GNAS: variants seen among roughly 807,000 people sequenced by gnomAD.
The protein encoded by GNAS is GNAS complex locus.
A neutral mutation model predicts 54.5 loss-of-function variants in GNAS; 8 were observed. The ratio of observed to expected loss-of-function variants is 0.15; its 90% CI spans 0.09 to 0.26. The LOEUF is 0.26. Among genes scored for constraint, GNAS ranks in the 10% least tolerant of loss-of-function variants. GNAS has a pLI of 1.00. For synonymous variants in GNAS, 204 were observed against 191.4 expected, an observed-to-expected ratio of 1.07 and a Z score of -0.54; for missense variants, 170 against 529.8, an observed-to-expected ratio of 0.32 and a Z score of 6.67.
At chr20:58,883,361 C>A (rs1380209857) in intron 1 of GNAS, among the ~76,000 whole-genome samples, 1 of 152,116 alleles carries the variant, frequency 6.6e-6, no homozygotes, top group Non-Finnish European at 1.5e-5. Flanking sequence ...GAGACTAAGG[C>A]AACCGAAAAA....
intron 1 of GNAS, among the ~76,000 whole-genome samples, chr20:58,846,594 G>C (rs896367731): frequency 2.0e-5 from 3 of 152,202 alleles, no homozygotes; most frequent in Non-Finnish European, 2.9e-5. Flanking sequence ...AGCAAGGTTG[G>C]TCTTCAAGGT....
chr20:58,889,210 T>C, upstream of GNAS: 1 of 1,193,352 alleles, frequency 8.4e-7, no homozygotes, highest in Non-Finnish European at 1.1e-6. Context: ...GCGGGCTGCG[T>C]CAGGTGGCTG....
intron 1 of GNAS, among the ~76,000 whole-genome samples, chr20:58,882,132 G>C (rs1600876541): frequency 6.6e-6 from 1 of 152,150 alleles, no homozygotes; most frequent in Non-Finnish European, 1.5e-5. Context: ...GCAGTGGCGC[G>C]ATCTCGGCTC....
At chr20:58,876,997 T>C (rs1321854190) in intron 1 of GNAS, 1 of 152,096 alleles carries the variant, frequency 6.6e-6, no homozygotes, top group Non-Finnish European at 1.5e-5. Flanking sequence ...AAAATTTCCA[T>C]CACCAAAGGG....
At chr20:58,850,124 A>G (rs2086099171) in intron 1 of GNAS, among the ~76,000 whole-genome samples, 1 of 152,038 alleles carries the variant, frequency 6.6e-6, no homozygotes, top group South Asian at 2.1e-4. Context: ...ACCGTCTCCC[A>G]TCCCCCACTA....
chr20:58,889,232 G>A, upstream of GNAS: 1 of 1,188,914 alleles, frequency 8.4e-7, no homozygotes, highest in South Asian at 1.4e-5. Context: ...CCGGCGCGGC[G>A]CTCCCCTGCT....
At chr20:58,848,086 C>G (rs2086004349) in intron 1 of GNAS, among the ~76,000 whole-genome samples, 1 of 152,232 alleles carries the variant, frequency 6.6e-6, no homozygotes, top group African/African-American at 2.4e-5. Context: ...TGTTTGCCAC[C>G]TGTGGCACCT....
chr20:58,910,556 T>C lies in GNAS; in HGVS notation c.1039-127T>C, dbSNP rs234628. The C allele has an allele frequency of 0.55, 692,802 of 1,266,888 alleles. 197,410 individuals are homozygous for C. The highest frequency in any genetic ancestry group is 0.91 in the African/African-American group (62,055 of 68,208). 78.5% of individuals were successfully genotyped at this position (1,266,888 alleles called of 1,614,324 possible). A position where few individuals can be genotyped will look rare whatever the true frequency, so the allele number is the denominator to read the frequency against. ...TGGATTTGAGCTCTTTGCGCCCCTC[T>C]TTTTGCTTTTGTTTTCATATGACAT... On this transcript the variant is annotated intron_variant, in intron 12 of 12. Coordinates refer to ENST00000371085, the MANE Select transcript of GNAS (RefSeq NM_000516.7). This position sits in a 1 kb window ranked among gnomAD's most constrained non-coding sequence, Gnocchi z 5.8.
At chr20:58,865,447 A>G (rs929658229) in intron 1 of GNAS, among the ~76,000 whole-genome samples, 9 of 147,840 alleles carry the variant, frequency 6.1e-5, no homozygotes, top group East Asian at 3.9e-4. Flanking sequence ...CATATATTTT[A>G]TATTATATAT....
At chr20:58,852,344 A>T (rs1435883420) in intron 1 of GNAS, among the ~76,000 whole-genome samples, 2 of 152,144 alleles carry the variant, frequency 1.3e-5, no homozygotes, top group Non-Finnish European at 2.9e-5. Flanking sequence ...CAAGGCATTT[A>T]AAAAACAAAT....
chr20:58,903,436 ATAC>A, intron 3 of GNAS, 92 bp from the exon 4 acceptor site: 1 of 1,031,848 alleles, frequency 9.7e-7, no homozygotes, highest in South Asian at 1.3e-5. Context: ...GAAGAACAGA[ATAC>A]TATGCTTTTT....
chr20:58,862,110 G>A (rs2086812527), intron 1 of GNAS, among the ~76,000 whole-genome samples: 2 of 152,036 alleles, frequency 1.3e-5, no homozygotes, highest in Admixed American at 6.6e-5. Flanking sequence ...CCAGTGCTTG[G>A]CACATATAAG....
At chr20:58,885,270 A>AAG (rs1248737849) in intron 1 of GNAS, among the ~76,000 whole-genome samples, 2 of 152,140 alleles carry the variant, frequency 1.3e-5, no homozygotes, top group African/African-American at 4.8e-5. Flanking sequence ...AGAGTCAGGA[A>AAG]AGATCAAGAA....
At chr20:58,842,361 T>G in intron 1 of GNAS, 1 of 398,152 alleles carries the variant, frequency 2.5e-6, no homozygotes, top group Non-Finnish European at 4.4e-6. Context: ...AGTAAAGCGT[T>G]TTGAGGGCTT....
intron 1 of GNAS, among the ~76,000 whole-genome samples, chr20:58,872,850 A>G (rs2087557930): frequency 1.3e-5 from 2 of 152,170 alleles, no homozygotes; most frequent in African/African-American, 2.4e-5. Flanking sequence ...CTGCCTTTCT[A>G]TGTCCTGGGC....
intron 1 of GNAS, among the ~76,000 whole-genome samples, chr20:58,880,419 G>C (rs2145785172): frequency 6.6e-6 from 1 of 152,276 alleles, no homozygotes; most frequent in Non-Finnish European, 1.5e-5. Context: ...GTTTTCAGCA[G>C]TTTACCACAT....
chr20:58,892,565 A>C (rs1358650832), intron 1 of GNAS: 1 of 6,312 alleles, frequency 1.6e-4, no homozygotes, highest in Non-Finnish European at 3.4e-4. Context: ...CGGAGTCGGG[A>C]GGGGGGCGGC....
intron 1 of GNAS, among the ~76,000 whole-genome samples, chr20:58,894,890 AGAT>A (rs2089895410): frequency 6.6e-6 from 1 of 152,260 alleles, no homozygotes; most frequent in Non-Finnish European, 1.5e-5. Flanking sequence ...TTTTTCCAGA[AGAT>A]GACAGATAAT....
chr20:58,893,614 GTCAAA>G (rs1188124529), intron 1 of GNAS, among the ~76,000 whole-genome samples: 1 of 152,200 alleles, frequency 6.6e-6, no homozygotes, highest in Non-Finnish European at 1.5e-5. Flanking sequence ...TACTAATTAA[GTCAAA>G]ATAAGTGTCT....
Sources: allele counts gnomAD v4.1 joint callset (sites outside exome capture counted in the v4.1 genomes callset), GRCh38; gene constraint gnomAD v4.1.1; non-coding constraint Gnocchi (gnomAD v3.1); transcripts MANE v1.5; gene names NCBI Gene and HGNC (gene_info 2026-07-23, HGNC 2026-07-21).